JARID2: variants seen among roughly 807,000 people sequenced by gnomAD.
The protein encoded by JARID2 is jumonji and AT-rich interaction domain containing 2.
In JARID2, 21 loss-of-function variants were observed where a neutral mutation model predicts 125.6. That is an observed-to-expected ratio of 0.17 (90% CI 0.12 to 0.24). The LOEUF is 0.24. JARID2 is among the 10% of genes least tolerant of loss of function. JARID2 has a pLI of 1.00. For synonymous variants in JARID2, 736 were observed against 661.6 expected, an observed-to-expected ratio of 1.11 and a Z score of -1.73; for missense variants, 1,303 against 1,639.6, an observed-to-expected ratio of 0.79 and a Z score of 3.55.
At chr6:15,495,461 G>T (rs550717894) in intron 6 of JARID2, among the ~76,000 whole-genome samples, 1 of 152,314 alleles carries the variant, frequency 6.6e-6, no homozygotes, top group African/African-American at 2.4e-5. Context: ...GCCTGGCCCT[G>T]TCCAGGGCTC....
chr6:15,441,897 T>G lies in JARID2; in HGVS notation c.324-10109T>G, dbSNP rs1767461794. Among the ~76,000 whole-genome samples, 4 of 152,278 alleles carry G rather than the reference T, an allele frequency of 2.6e-5. No individual in the cohort carries two copies. In the South Asian group the frequency reaches 8.3e-4, roughly 32 times the overall value. On this transcript the variant is annotated intron_variant, in intron 3 of 17. Coordinates refer to ENST00000341776, the MANE Select transcript of JARID2 (RefSeq NM_004973.4). ...ACCTCCACCTCCTGGGTTCAAGTGA[T>G]TCTCCTGCCTCAGCCTCCTGAGTAT...
rs142246655 is a variant in JARID2 at position 15,496,666 on chromosome 6, C to T, written c.1441C>T (p.Leu481=). 1.3e-3 allele frequency: 2,173 copies of T among 1,612,760 alleles called. 34 individuals are homozygous for T. In the African/African-American group the frequency reaches 0.026, roughly 19 times the overall value. The change falls in exon 7 of 18, where the codon CTG becomes TTG. Residue 481 remains leucine, a synonymous_variant. Coordinates refer to ENST00000341776, the MANE Select transcript of JARID2 (RefSeq NM_004973.4). ...GAAGGCCCCGGCCGAGAGAGGTCTG[C>T]TGAACGGACACGTGAAGAAGGAAGT... ...GKKAPAERGL[L]NGHVKKEVPE...
chr6:15,388,691 C>G (rs368504154), intron 2 of JARID2, among the ~76,000 whole-genome samples: 1 of 151,426 alleles, frequency 6.6e-6, no homozygotes, highest in Non-Finnish European at 1.5e-5. Context: ...GATTATAAAC[C>G]GGCAAGGCCA....
intron 1 of JARID2, among the ~76,000 whole-genome samples, chr6:15,298,440 C>T (rs1321452633): frequency 6.6e-6 from 1 of 151,954 alleles, no homozygotes; most frequent in Admixed American, 6.6e-5. Context: ...AATCCCAGCA[C>T]TTTGGGAGGC....
At chr6:15,459,663 A>G (rs1768353428) in intron 4 of JARID2, among the ~76,000 whole-genome samples, 1 of 152,232 alleles carries the variant, frequency 6.6e-6, no homozygotes. Context: ...GCCACAGGTA[A>G]TAGAAGAGAC....
intron 5 of JARID2, among the ~76,000 whole-genome samples, chr6:15,476,171 CTG>C (rs1330405771): frequency 6.6e-6 from 1 of 152,156 alleles, no homozygotes; most frequent in Non-Finnish European, 1.5e-5. Flanking sequence ...GTATGGAAAA[CTG>C]ATGCTTTACC....
At chr6:15,339,847 T>C (rs912504428) in intron 1 of JARID2, among the ~76,000 whole-genome samples, 4 of 152,232 alleles carry the variant, frequency 2.6e-5, no homozygotes, top group Non-Finnish European at 5.9e-5. Flanking sequence ...GTTAGCTCTC[T>C]TCTAAAGTTT....
intron 17 of JARID2, 48 bp downstream of exon 17, chr6:15,517,316 C>T (rs182403573): frequency 3.0e-6 from 4 of 1,334,894 alleles, no homozygotes; most frequent in Admixed American, 1.7e-5. Flanking sequence ...GTGGCGCCTT[C>T]CCTGCTCCCG....
chr6:15,268,259 C>T (rs984462078), intron 1 of JARID2, among the ~76,000 whole-genome samples: 5 of 152,212 alleles, frequency 3.3e-5, no homozygotes, highest in Non-Finnish European at 5.9e-5. Flanking sequence ...TCTTTGTGAA[C>T]TTTTGCTGTT....
At chr6:15,502,251 G>A (rs1179524049) in intron 8 of JARID2, among the ~76,000 whole-genome samples, 1 of 152,246 alleles carries the variant, frequency 6.6e-6, no homozygotes, top group Non-Finnish European at 1.5e-5. Flanking sequence ...CAGCTGTCCT[G>A]GCTCTGAAGC....
chr6:15,415,315 C>A (rs1241057308), intron 3 of JARID2, among the ~76,000 whole-genome samples: 1 of 152,250 alleles, frequency 6.6e-6, no homozygotes, highest in Non-Finnish European at 1.5e-5. Flanking sequence ...GGCCCGTTCC[C>A]AATGAGCTGC....
At chr6:15,392,158 T>A (rs1383151602) in intron 2 of JARID2, among the ~76,000 whole-genome samples, 1 of 152,036 alleles carries the variant, frequency 6.6e-6, no homozygotes, top group Non-Finnish European at 1.5e-5. Context: ...AGTTGATGAT[T>A]GCTGTCCTTC....
At chr6:15,253,308 C>T (rs1581326251) in intron 1 of JARID2, among the ~76,000 whole-genome samples, 1 of 152,152 alleles carries the variant, frequency 6.6e-6, no homozygotes, top group East Asian at 1.9e-4. Context: ...CATGATCTGC[C>T]CACCTCAGCC....
intron 1 of JARID2, among the ~76,000 whole-genome samples, chr6:15,277,605 A>G (rs1461078612): frequency 1.3e-5 from 2 of 152,128 alleles, no homozygotes; most frequent in Non-Finnish European, 2.9e-5. Flanking sequence ...GACAGTCTTT[A>G]TTTTGCATTT....
intron 3 of JARID2, among the ~76,000 whole-genome samples, chr6:15,416,249 G>A (rs879421374): frequency 6.6e-6 from 1 of 151,706 alleles, no homozygotes; most frequent in Non-Finnish European, 1.5e-5. Flanking sequence ...GACGATGGGC[G>A]GCCAGGCAGA....
intron 2 of JARID2, among the ~76,000 whole-genome samples, chr6:15,405,250 T>C (rs951420108): frequency 1.3e-5 from 2 of 152,244 alleles, no homozygotes; most frequent in African/African-American, 4.8e-5. Flanking sequence ...TTGTATTGTT[T>C]TGTGCGGTCT....
rs567716509 is a variant in JARID2 at position 15,492,546 on chromosome 6, G to C, written c.907-3586G>C. ...TTAAGTGTTGGCTCCTTATAGACAAGTCCAGGCCAGGAAAAGGGGTGTCCT... is the reference window on the plus strand; with the variant it reads ...TTAAGTGTTGGCTCCTTATAGACAACTCCAGGCCAGGAAAAGGGGTGTCCT... On this transcript the variant is annotated intron_variant, in intron 6 of 17. Coordinates refer to ENST00000341776, the MANE Select transcript of JARID2 (RefSeq NM_004973.4). Among the ~76,000 whole-genome samples, 18 of 152,356 alleles carry C rather than the reference G, an allele frequency of 1.2e-4. No individual in the cohort carries two copies. In the South Asian group the frequency reaches 3.3e-3, roughly 28 times the overall value.
At chr6:15,465,445 T>C (rs766746174) in intron 4 of JARID2, among the ~76,000 whole-genome samples, 9 of 151,894 alleles carry the variant, frequency 5.9e-5, no homozygotes, top group Admixed American at 2.0e-4. Context: ...AGTGATTTCT[T>C]GTCTCAAACA....
chr6:15,291,370 C>T (rs1561774102), intron 1 of JARID2, among the ~76,000 whole-genome samples: 1 of 152,186 alleles, frequency 6.6e-6, no homozygotes, highest in Non-Finnish European at 1.5e-5. Flanking sequence ...ACAAAAAAAT[C>T]CCTCACTTTT....
Sources: allele counts gnomAD v4.1 joint callset (sites outside exome capture counted in the v4.1 genomes callset), GRCh38; gene constraint gnomAD v4.1.1; transcripts MANE v1.5; gene names NCBI Gene and HGNC (gene_info 2026-07-23, HGNC 2026-07-21).